Variants in LYST observed in about 807,000 individuals in gnomAD.
LYST encodes lysosomal trafficking regulator.
Under a neutral mutation model 413.6 loss-of-function variants are expected in LYST, and 192 were observed. That is an observed-to-expected ratio of 0.46 (90% CI 0.41 to 0.52). The LOEUF is 0.52. LYST is among the 20% of genes least tolerant of loss of function. The pLI, the probability that LYST is intolerant of heterozygous loss-of-function variation, is 0.00. For missense variants in LYST, 3,815 were observed against 4,499.9 expected (o/e 0.85, Z 4.35); for synonymous variants, 1,525 against 1,567.3 (o/e 0.97, Z 0.64).
intron 1 of LYST, among the ~76,000 whole-genome samples, chr1:235,840,815 T>C (rs1572422030): frequency 6.6e-6 from 1 of 152,314 alleles, no homozygotes; most frequent in East Asian, 1.9e-4. Context: ...GTAAGGATAT[T>C]TTTTTCTAAA....
At chr1:235,692,420 A>C (rs1294056753) in intron 47 of LYST, among the ~76,000 whole-genome samples, 1 of 150,810 alleles carries the variant, frequency 6.6e-6, no homozygotes, top group African/African-American at 2.4e-5. Context: ...CGCTCTTGTC[A>C]CCCAGGCTGG....
At chr1:235,856,035 C>A (rs1030957703) in intron 1 of LYST, among the ~76,000 whole-genome samples, 3 of 151,972 alleles carry the variant, frequency 2.0e-5, no homozygotes, top group African/African-American at 7.3e-5. Flanking sequence ...GAGCACAGAA[C>A]AGAAATAAGA....
At chr1:235,857,772 CACACACACACACAT>C (rs1558351079) in intron 1 of LYST, among the ~76,000 whole-genome samples, 3 of 140,812 alleles carry the variant, frequency 2.1e-5, no homozygotes, top group African/African-American at 8.3e-5. Flanking sequence ...CACACACACA[CACACACACACACAT>C]ATATATATAA....
intron 24 of LYST, 66 bp downstream of exon 24, chr1:235,757,215 A>G (rs1667125979): frequency 1.8e-6 from 2 of 1,132,158 alleles, no homozygotes; most frequent in South Asian, 3.1e-5. Context: ...TATATACTCA[A>G]AATTTTAAAT....
At chr1:235,876,166 G>A (rs57467490) in intron 1 of LYST, among the ~76,000 whole-genome samples, 2,099 of 152,072 alleles carry the variant, frequency 0.014, 49 homozygotes, top group African/African-American at 0.047. Context: ...AGGTTGCAGT[G>A]AGCCGAGATC....
intron 50 of LYST, among the ~76,000 whole-genome samples, chr1:235,676,259 G>C (rs533962913): frequency 2.6e-5 from 4 of 152,300 alleles, no homozygotes; most frequent in African/African-American, 9.6e-5. Context: ...CTGGTCATCT[G>C]CTGAGGCTTT....
chr1:235,840,817 T>C (rs1677119836), intron 1 of LYST, among the ~76,000 whole-genome samples: 2 of 152,230 alleles, frequency 1.3e-5, no homozygotes, highest in Non-Finnish European at 2.9e-5. Context: ...AAGGATATTT[T>C]TTTCTAAAGC....
chr1:235,720,004 T>C (rs1006020390), intron 40 of LYST, among the ~76,000 whole-genome samples: 1 of 151,618 alleles, frequency 6.6e-6, no homozygotes, highest in African/African-American at 2.4e-5. Flanking sequence ...GGTGAAACCC[T>C]GTCTCTACTA....
At position 235,797,204 on chromosome 1, in the gene LYST, A is replaced by C. The variant is rs556613423; in HGVS notation, c.4006+3116T>G. 4.6e-5 allele frequency among the ~76,000 whole-genome samples: 7 copies of C among 152,290 alleles called. No homozygotes were observed. The South Asian group carries it at 1.2e-3, about 27-fold the overall frequency. On this transcript the variant is annotated intron_variant, in intron 10 of 52. Coordinates refer to ENST00000389793, the MANE Select transcript of LYST (RefSeq NM_000081.4). ...ATTATACATAGTAGCAAAAAAGGAG[A>C]ACAACCCAAATGTCCATCAACTGAT...
At chr1:235,722,978 T>C (rs1167338420) in intron 39 of LYST, among the ~76,000 whole-genome samples, 2 of 152,230 alleles carry the variant, frequency 1.3e-5, no homozygotes, top group African/African-American at 4.8e-5. Flanking sequence ...TAAATGATTC[T>C]GGCAAGAAAT....
Position 235,661,963 on chromosome 1 carries a change from A to G in LYST, c.*977T>C, listed in dbSNP as rs985154521. ...AGAAACAGAATGAAATGGTTTCCTA[A>G]AAGAATTATTCTGCCTCCTGTTTAA... On this transcript the variant is annotated 3_prime_UTR_variant, in exon 53 of 53. Coordinates refer to ENST00000389793, the MANE Select transcript of LYST (RefSeq NM_000081.4). The G allele has an allele frequency of 6.6e-6, 1 of 152,248 alleles. No homozygotes were observed. The highest frequency in any genetic ancestry group is 2.4e-5 in the African/African-American group (1 of 41,464). 9.4% of individuals were successfully genotyped at this position (152,248 alleles called of 1,614,324 possible). A position where few individuals can be genotyped will look rare whatever the true frequency, so the allele number is the denominator to read the frequency against.
At chr1:235,882,626 T>A (rs1440712796) in intron 1 of LYST, among the ~76,000 whole-genome samples, 1 of 151,946 alleles carries the variant, frequency 6.6e-6, no homozygotes, top group Non-Finnish European at 1.5e-5. Context: ...TAAGAGTGTG[T>A]AGGAACCTAC....
chr1:235,742,676 TAAAA>T (rs936701149), intron 30 of LYST, among the ~76,000 whole-genome samples: 1 of 149,972 alleles, frequency 6.7e-6, no homozygotes, highest in Non-Finnish European at 1.5e-5. Flanking sequence ...AATTATAAAT[TAAAA>T]AAAAGCATCA....
chr1:235,757,914 C>G (rs1033609514), intron 23 of LYST, among the ~76,000 whole-genome samples: 3 of 144,930 alleles, frequency 2.1e-5, no homozygotes, highest in Non-Finnish European at 3.0e-5. Flanking sequence ...AAGGAAGAAA[C>G]AGCTTTATTA....
Position 235,663,093 on chromosome 1 carries a change from A to G in LYST, c.11268-15T>C, listed in dbSNP as rs776515881. ...AAAATGTAAGGCTGTAAAAAAAAAA[A>G]AATTCCCATTTGTACATTATATTTC... On this transcript the variant is annotated splice_polypyrimidine_tract_variant and intron_variant, in intron 52 of 52. Transcript: ENST00000389793. 1.3e-6 allele frequency: 2 copies of G among 1,558,460 alleles called. No homozygotes were observed. Among genetic ancestry groups the G allele is most frequent in the African/African-American group, 2.7e-5 (2 of 74,046 alleles).
Position 235,676,998 on chromosome 1 carries a change from C to T in LYST, c.11038+93G>A, listed in dbSNP as rs906319494. The T allele has an allele frequency of 1.5e-4, 128 of 849,318 alleles. No individual in the cohort carries two copies. In the African/African-American group the frequency reaches 2.0e-3, roughly 13 times the overall value. 52.6% of individuals were successfully genotyped at this position (849,318 alleles called of 1,614,324 possible). A position where few individuals can be genotyped will look rare whatever the true frequency, so the allele number is the denominator to read the frequency against. ...CCAAAGTATTTAGATCTGGCAGGGA[C>T]CTGAGAGAATGGCTCGACCTAGGAG... On this transcript the variant is annotated intron_variant, in intron 50 of 52. Coordinates refer to ENST00000389793, the MANE Select transcript of LYST (RefSeq NM_000081.4).
chr1:235,844,195 T>C (rs1029451564), intron 1 of LYST, among the ~76,000 whole-genome samples: 1 of 152,172 alleles, frequency 6.6e-6, no homozygotes, highest in Admixed American at 6.5e-5. Flanking sequence ...ATTGATAGAT[T>C]GATTAGCAAC....
At chr1:235,802,874 A>C in intron 8 of LYST, 34 bp downstream of exon 8, 1 of 1,608,100 alleles carries the variant, frequency 6.2e-7, no homozygotes, top group Non-Finnish European at 8.5e-7. Flanking sequence ...TCTGGCTTGC[A>C]GATCTAATTA....
intron 3 of LYST, among the ~76,000 whole-genome samples, chr1:235,813,531 A>G (rs942152633): frequency 6.6e-6 from 1 of 152,188 alleles, no homozygotes; most frequent in African/African-American, 2.4e-5. Context: ...GGAGAGAAAG[A>G]CTTATTAGTG....
Sources: allele counts gnomAD v4.1 joint callset (sites outside exome capture counted in the v4.1 genomes callset), GRCh38; gene constraint gnomAD v4.1.1; transcripts MANE v1.5; gene names NCBI Gene and HGNC (gene_info 2026-07-23, HGNC 2026-07-21).